STXBP6: variants seen among roughly 807,000 people sequenced by gnomAD.
The protein encoded by STXBP6 is syntaxin binding protein 6, also known as syntaxin-binding protein 6.
STXBP6 carries 21 observed loss-of-function variants against 26.9 expected under a neutral mutation model. The observed-to-expected ratio is 0.78, with a 90% CI of 0.55 to 1.12. The LOEUF is 1.12. Among genes scored for constraint, STXBP6 ranks in the 50% most tolerant of loss-of-function variants. The probability of loss-of-function intolerance (pLI) is 0.00; values close to 1 mark genes in which losing one functional copy is unlikely to be tolerated. For missense variants in STXBP6, 232 were observed against 257.9 expected (o/e 0.90, Z 0.69); for synonymous variants, 97 against 92.6 (o/e 1.05, Z -0.27).
intron 2 of STXBP6, among the ~76,000 whole-genome samples, chr14:24,944,700 T>C (rs1250196825): frequency 1.3e-5 from 2 of 152,320 alleles, no homozygotes; most frequent in Admixed American, 1.3e-4. Context: ...TGAAGACTTA[T>C]AGCATGAAAC....
At chr14:24,989,659 A>C (rs1426037976) in intron 1 of STXBP6, among the ~76,000 whole-genome samples, 2 of 152,214 alleles carry the variant, frequency 1.3e-5, no homozygotes, top group Non-Finnish European at 2.9e-5. Context: ...TATGAAGGTG[A>C]GGACTGTCTT....
At chr14:24,815,136 C>G (rs1352047259) in intron 5 of STXBP6, among the ~76,000 whole-genome samples, 1 of 152,132 alleles carries the variant, frequency 6.6e-6, no homozygotes, top group African/African-American at 2.4e-5. Context: ...AGGATACCTG[C>G]TGCTGCAAAT....
intron 2 of STXBP6, among the ~76,000 whole-genome samples, chr14:24,922,829 CT>C (rs2072028065): frequency 6.6e-6 from 1 of 152,066 alleles, no homozygotes. Context: ...CATTAATTAA[CT>C]TAAATGAAAG....
At chr14:25,033,805 A>T (rs1258542177) in intron 1 of STXBP6, among the ~76,000 whole-genome samples, 1 of 152,266 alleles carries the variant, frequency 6.6e-6, no homozygotes, top group Non-Finnish European at 1.5e-5. Flanking sequence ...CTATAAAAGC[A>T]GAAACCTTGT....
intron 4 of STXBP6, 139 bp from the exon 5 acceptor site, chr14:24,819,333 CCGA>C: frequency 1.0e-6 from 1 of 966,836 alleles, no homozygotes; most frequent in Non-Finnish European, 1.6e-6. Context: ...AGGAAACAAG[CCGA>C]CATTTCTTTT....
At chr14:24,906,274 C>T (rs1418978166) in intron 2 of STXBP6, among the ~76,000 whole-genome samples, 1 of 151,990 alleles carries the variant, frequency 6.6e-6, no homozygotes, top group Non-Finnish European at 1.5e-5. Flanking sequence ...TAAAAATATG[C>T]AGGGTTAAAG....
At chr14:24,980,902 A>G (rs2074172768) in intron 1 of STXBP6, among the ~76,000 whole-genome samples, 1 of 152,222 alleles carries the variant, frequency 6.6e-6, no homozygotes, top group Admixed American at 6.5e-5. Flanking sequence ...AAAACTGCAC[A>G]TGAACATCAC....
chr14:24,835,810 C>T (rs1263723794), intron 4 of STXBP6, among the ~76,000 whole-genome samples: 1 of 152,184 alleles, frequency 6.6e-6, no homozygotes, highest in African/African-American at 2.4e-5. Flanking sequence ...ATAACGATAT[C>T]CATAGTGCCA....
At chr14:24,890,160 C>A (rs1271502475) in intron 2 of STXBP6, among the ~76,000 whole-genome samples, 1 of 152,256 alleles carries the variant, frequency 6.6e-6, no homozygotes, top group Non-Finnish European at 1.5e-5. Flanking sequence ...AGTGCCCAAA[C>A]ACTGGGATGC....
At chr14:24,882,265 G>A (rs1394901772) in intron 2 of STXBP6, among the ~76,000 whole-genome samples, 2 of 148,118 alleles carry the variant, frequency 1.4e-5, no homozygotes, top group African/African-American at 5.0e-5. Context: ...TGTAGTCCCA[G>A]CTACTTGGGA....
intron 2 of STXBP6, among the ~76,000 whole-genome samples, chr14:24,947,197 G>C (rs776219539): frequency 2.7e-5 from 4 of 147,518 alleles, no homozygotes; most frequent in Non-Finnish European, 3.0e-5. Flanking sequence ...TATTAATAGA[G>C]AGCTCCATAT....
At chr14:24,919,980 A>G (rs2071923294) in intron 2 of STXBP6, among the ~76,000 whole-genome samples, 1 of 152,088 alleles carries the variant, frequency 6.6e-6, no homozygotes, top group Admixed American at 6.6e-5. Flanking sequence ...ATGTAAAGTA[A>G]GAGGAGAGAA....
At chr14:24,936,431 AAT>A (rs2072600586) in intron 2 of STXBP6, among the ~76,000 whole-genome samples, 1 of 152,224 alleles carries the variant, frequency 6.6e-6, no homozygotes, top group African/African-American at 2.4e-5. Flanking sequence ...AGAAATGGAA[AAT>A]ATACACATAG....
At chr14:24,984,896 A>T (rs2074293717) in intron 1 of STXBP6, among the ~76,000 whole-genome samples, 1 of 152,342 alleles carries the variant, frequency 6.6e-6, no homozygotes, top group Admixed American at 6.5e-5. Context: ...GCATGACTCC[A>T]GAAGCCTTTG....
intron 2 of STXBP6, among the ~76,000 whole-genome samples, chr14:24,872,811 C>T (rs1284260729): frequency 6.6e-6 from 1 of 152,234 alleles, no homozygotes; most frequent in African/African-American, 2.4e-5. Context: ...GTCCATCCTT[C>T]ACAGGCCAAG....
intron 2 of STXBP6, among the ~76,000 whole-genome samples, chr14:24,940,568 A>G (rs1319215241): frequency 1.3e-5 from 2 of 152,154 alleles, no homozygotes; most frequent in Non-Finnish European, 2.9e-5. Flanking sequence ...CTGCAGACTG[A>G]TAAGAACTAT....
At chr14:24,942,216 T>C (rs2072828581) in intron 2 of STXBP6, among the ~76,000 whole-genome samples, 1 of 152,356 alleles carries the variant, frequency 6.6e-6, no homozygotes, top group East Asian at 1.9e-4. Flanking sequence ...AGGGCCATTT[T>C]TGGCCACTAG....
intron 2 of STXBP6, among the ~76,000 whole-genome samples, chr14:24,885,089 G>A (rs2070526893): frequency 6.6e-6 from 1 of 152,152 alleles, no homozygotes; most frequent in Non-Finnish European, 1.5e-5. Context: ...GAAGGAAAAT[G>A]TCTCAAGGTT....
At chr14:24,966,022 C>T (rs551427475) in intron 2 of STXBP6, among the ~76,000 whole-genome samples, 6 of 152,342 alleles carry the variant, frequency 3.9e-5, no homozygotes, top group Admixed American at 3.9e-4. Flanking sequence ...ACCACTTGCT[C>T]TACCTTTGCA....
Sources: allele counts gnomAD v4.1 joint callset (sites outside exome capture counted in the v4.1 genomes callset), GRCh38; gene constraint gnomAD v4.1.1; transcripts MANE v1.5; gene names NCBI Gene and HGNC (gene_info 2026-07-23, HGNC 2026-07-21).